BCAS3: variants seen among roughly 807,000 people sequenced by gnomAD.
The protein encoded by BCAS3 is BCAS3 microtubule associated cell migration factor, also known as BCAS4/BCAS3 fusion.
A neutral mutation model predicts 116.1 loss-of-function variants in BCAS3; 53 were observed. The observed-to-expected ratio is 0.46, with a 90% CI of 0.37 to 0.57. BCAS3 has a LOEUF of 0.57. Ranked by LOEUF, BCAS3 falls within the 20% of genes least tolerant of loss-of-function variation. BCAS3 has a pLI of 0.00. For missense variants in BCAS3, 917 were observed against 1,165.4 expected, an observed-to-expected ratio of 0.79 and a Z score of 3.10; for synonymous variants, 391 against 408.2, an observed-to-expected ratio of 0.96 and a Z score of 0.51.
At chr17:61,070,215 G>A (rs1156685767) in intron 19 of BCAS3, 2 of 1,560,372 alleles carry the variant, frequency 1.3e-6, no homozygotes, top group Admixed American at 1.7e-5. Context: ...CTGTGAAGAA[G>A]CTCTATGACA....
intron 7 of BCAS3, among the ~76,000 whole-genome samples, chr17:60,829,484 A>C (rs1003921992): frequency 1.5e-5 from 2 of 136,854 alleles, no homozygotes; most frequent in African/African-American, 6.9e-5. Context: ...ATAGAGCAAG[A>C]CTGTGTCTCA....
intron 22 of BCAS3, among the ~76,000 whole-genome samples, chr17:61,292,560 G>A (rs2052528724): frequency 6.6e-6 from 1 of 152,142 alleles, no homozygotes; most frequent in Non-Finnish European, 1.5e-5. Flanking sequence ...GCTGAGGCAT[G>A]AGAATCGCTT....
chr17:60,754,627 C>T (rs1024556594), intron 6 of BCAS3, among the ~76,000 whole-genome samples: 4 of 151,838 alleles, frequency 2.6e-5, no homozygotes, highest in Non-Finnish European at 2.9e-5. Flanking sequence ...TGGAGAAAGA[C>T]AATCATTTTG....
rs964249602 is a variant in BCAS3, at chr17:61,213,997, C to T, written c.2425+129433C>T. Reference sequence around the variant, plus strand: ...AAGTGAAAGACAAGAAAAATGGGGGCTTCACTGCACAGTAGGCTGGAGATT... The same window carrying T: ...AAGTGAAAGACAAGAAAAATGGGGGTTTCACTGCACAGTAGGCTGGAGATT... On this transcript the variant is annotated intron_variant, in intron 22 of 23. Transcript: ENST00000407086. This position sits in a 1 kb window ranked among gnomAD's most constrained non-coding sequence, Gnocchi z 5.4. Among the ~76,000 whole-genome samples, 1 of 152,174 alleles carries T rather than the reference C, an allele frequency of 6.6e-6. No homozygotes were observed. Among genetic ancestry groups the T allele is most frequent in the African/African-American group, 2.4e-5 (1 of 41,432 alleles).
At position 61,066,834 on chromosome 17, in the gene BCAS3, C is replaced by T. The variant is rs184659154; in HGVS notation, c.2030-8086C>T. On this transcript the variant is annotated intron_variant, in intron 19 of 23. Coordinates refer to ENST00000407086, the MANE Select transcript of BCAS3 (RefSeq NM_017679.5). Reference sequence around the variant, plus strand: ...AATGGTAATAACTCATTCTCGGAATCCTGGTTCAAATTCACCTATCCTAAC... The same window carrying T: ...AATGGTAATAACTCATTCTCGGAATTCTGGTTCAAATTCACCTATCCTAAC... Among the ~76,000 whole-genome samples the T allele has an allele frequency of 1.4e-3, 216 of 152,058 alleles. 1 individual carries two copies. The highest frequency in any genetic ancestry group is 5.0e-3 in the African/African-American group (207 of 41,496).
At chr17:60,996,016 A>AGT (rs940121881) in intron 15 of BCAS3, among the ~76,000 whole-genome samples, 2 of 152,160 alleles carry the variant, frequency 1.3e-5, no homozygotes, top group African/African-American at 4.8e-5. Context: ...CTGAGGTGGG[A>AGT]GTGTGCCTGG....
Position 61,333,327 on chromosome 17 carries a change from C to G in BCAS3, c.2426-35000C>G, listed in dbSNP as rs1011506364. On this transcript the variant is annotated intron_variant, in intron 22 of 23. Coordinates refer to ENST00000407086, the MANE Select transcript of BCAS3 (RefSeq NM_017679.5). The surrounding 1 kb of genome is among the most constrained non-coding windows in gnomAD (Gnocchi z 4.8). ...GAGGGGTTTGTGCCCAGCAGCTGAT[C>G]TCTGCCTGTAATCTTCAGAGGGCAC... Among the ~76,000 whole-genome samples, 1 of 152,224 alleles carries G rather than the reference C, an allele frequency of 6.6e-6. No individual in the cohort carries two copies. The highest frequency in any genetic ancestry group is 6.5e-5 in the Admixed American group (1 of 15,284).
At chr17:60,893,659 A>T (rs1599496848) in intron 10 of BCAS3, among the ~76,000 whole-genome samples, 1 of 120,614 alleles carries the variant, frequency 8.3e-6, no homozygotes, top group African/African-American at 3.4e-5. Context: ...CCAAGGGTGG[A>T]GTGCAGTGGC....
chr17:61,232,200 G>GAAAA (rs71148394), intron 22 of BCAS3, among the ~76,000 whole-genome samples: 17 of 72,434 alleles, frequency 2.3e-4, no homozygotes, highest in African/African-American at 4.5e-4. Flanking sequence ...GAAAGACTCC[G>GAAAA]AAAAAAAAAA....
Position 60,709,256 on chromosome 17 carries a change from T to C in BCAS3, c.252T>C (p.Ser84=). The change falls in exon 5 of 24, where the codon AGT becomes AGC. Residue 84 remains serine (S), a synonymous_variant. Coordinates refer to ENST00000407086, the MANE Select transcript of BCAS3 (RefSeq NM_017679.5). ...ATCTGGAATTTCATGAAATACATAG[T>C]ACTGGGAATGAACCGCCTTTGTTGA... ...SRNLEFHEIH[S]TGNEPPLLIM... 1 of 1,595,132 alleles carries C rather than the reference T, an allele frequency of 6.3e-7. No homozygotes were observed.
chr17:60,765,061 C>T (rs976254342), intron 6 of BCAS3, among the ~76,000 whole-genome samples: 1 of 152,094 alleles, frequency 6.6e-6, no homozygotes, highest in Admixed American at 6.6e-5. Flanking sequence ...TCCTCCATCC[C>T]GTTATTTTGA....
At chr17:61,197,100 G>T (rs1457820518) in intron 22 of BCAS3, among the ~76,000 whole-genome samples, 1 of 152,158 alleles carries the variant, frequency 6.6e-6, no homozygotes, top group East Asian at 1.9e-4. Context: ...TCACCTTAAG[G>T]TTGCATACCA....
intron 12 of BCAS3, among the ~76,000 whole-genome samples, chr17:60,912,931 T>C (rs1017787618): frequency 6.6e-6 from 1 of 152,128 alleles, no homozygotes; most frequent in Non-Finnish European, 1.5e-5. Context: ...CTCAGTAATT[T>C]TGATGAAATA....
At chr17:61,024,646 GT>G (rs11369553) in intron 16 of BCAS3, among the ~76,000 whole-genome samples, 15 of 146,878 alleles carry the variant, frequency 1.0e-4, no homozygotes, top group Non-Finnish European at 9.1e-5. Context: ...AAATCTCGAG[GT>G]TTTTTTTTTT....
chr17:61,042,912 A>AAAAAG (rs1555682974), intron 19 of BCAS3, among the ~76,000 whole-genome samples: 2 of 143,802 alleles, frequency 1.4e-5, no homozygotes, highest in Non-Finnish European at 3.0e-5. Context: ...AAAAAAAAAA[A>AAAAAG]AAAGAAAGAA....
At position 61,118,479 on chromosome 17, in the gene BCAS3, G is replaced by T. The variant is rs1380697687; in HGVS notation, c.2425+33915G>T. 2.6e-5 allele frequency among the ~76,000 whole-genome samples: 4 copies of T among 152,200 alleles called. No homozygotes were observed. Among genetic ancestry groups the T allele is most frequent in the Admixed American group, 6.5e-5 (1 of 15,284 alleles). On this transcript the variant is annotated intron_variant, in intron 22 of 23. Transcript: ENST00000407086. The surrounding 1 kb of genome is among the most constrained non-coding windows in gnomAD (Gnocchi z 5.0). ...CAAAACTGCACGTGTGTGTTAGGAG[G>T]TGGTTCTTGTTAACAGCAGATAGGG...
intron 3 of BCAS3, chr17:60,688,942 A>C (rs1203815158): frequency 6.6e-6 from 1 of 152,188 alleles, no homozygotes; most frequent in African/African-American, 2.4e-5. Context: ...GCTTCCAGGA[A>C]GCAGCTGATA....
Position 61,388,628 on chromosome 17 carries a change from A to AT in BCAS3, c.2594-3349_2594-3348insT, listed in dbSNP as rs1568997717. The AT allele has an allele frequency of 2.6e-6, 4 of 1,534,694 alleles. No individual in the cohort carries two copies. In the Admixed American group the frequency reaches 7.9e-5, roughly 30 times the overall value. ...TTTTCTTTTCAAAAGGGAAAAAAAA[A>AT]GGAAAAAAAAAACAATGCCAACAGC... On this transcript the variant is annotated intron_variant, in intron 23 of 23. Transcript: ENST00000407086. The surrounding 1 kb of genome is among the most constrained non-coding windows in gnomAD (Gnocchi z 6.5).
intron 5 of BCAS3, among the ~76,000 whole-genome samples, chr17:60,740,102 T>C (rs2041384506): frequency 6.6e-6 from 1 of 152,088 alleles, no homozygotes; most frequent in Non-Finnish European, 1.5e-5. Flanking sequence ...CCGCATGCTG[T>C]TTTCTGAGCT....
Sources: allele counts gnomAD v4.1 joint callset (sites outside exome capture counted in the v4.1 genomes callset), GRCh38; gene constraint gnomAD v4.1.1; non-coding constraint Gnocchi (gnomAD v3.1); transcripts MANE v1.5; gene names NCBI Gene and HGNC (gene_info 2026-07-23, HGNC 2026-07-21).